Variants in JAM2 observed in about 807,000 individuals in gnomAD.
JAM2 encodes the protein junctional adhesion molecule 2, also known as junctional adhesion molecule B.
In JAM2, 17 loss-of-function variants were observed where a neutral mutation model predicts 42.0. The ratio of observed to expected loss-of-function variants is 0.40; its 90% CI spans 0.28 to 0.61. JAM2 has a LOEUF of 0.61. Ranked by LOEUF, JAM2 falls within the 20% of genes least tolerant of loss-of-function variation. JAM2 has a pLI of 0.37. For missense variants in JAM2, 319 were observed against 358.3 expected (o/e 0.89, Z 0.89); for synonymous variants, 118 against 128.6 (o/e 0.92, Z 0.56).
At chr21:25,679,119 G>A (rs939483375) in intron 1 of JAM2, among the ~76,000 whole-genome samples, 4 of 152,154 alleles carry the variant, frequency 2.6e-5, no homozygotes, top group African/African-American at 9.7e-5. Context: ...AGGCTTTTAA[G>A]GGAAAAAAGA....
intron 6 of JAM2, among the ~76,000 whole-genome samples, chr21:25,704,817 T>C (rs2034238984): frequency 6.6e-6 from 1 of 152,222 alleles, no homozygotes; most frequent in Non-Finnish European, 1.5e-5. Context: ...TCTGCTAGCC[T>C]GTTACATAGT....
chr21:25,691,805 G>A (rs563087449), intron 3 of JAM2, among the ~76,000 whole-genome samples: 63 of 152,142 alleles, frequency 4.1e-4, no homozygotes, highest in African/African-American at 1.3e-3. Flanking sequence ...CAAGGCATGC[G>A]GATCACTTGA....
In JAM2 at chr21:25,641,400, A is replaced by G. The variant is rs559721996; in HGVS notation, c.67+1512A>G. On this transcript the variant is annotated intron_variant, in intron 1 of 9. Coordinates refer to ENST00000480456, the MANE Select transcript of JAM2 (RefSeq NM_021219.4). ...AGTCTGAAATTGTAGTGGAGAAACAACCAAGAGGCGAACAAAAGCATAAAT... is the reference window on the plus strand; with the variant it reads ...AGTCTGAAATTGTAGTGGAGAAACAGCCAAGAGGCGAACAAAAGCATAAAT... 7.2e-5 allele frequency among the ~76,000 whole-genome samples: 11 copies of G among 152,330 alleles called. No individual in the cohort carries two copies. The South Asian group carries it at 2.3e-3, about 32-fold the overall frequency.
At chr21:25,660,848 G>A (rs1490705307) in intron 1 of JAM2, among the ~76,000 whole-genome samples, 2 of 122,488 alleles carry the variant, frequency 1.6e-5, no homozygotes, top group African/African-American at 6.4e-5. Flanking sequence ...AGGCTGGAGT[G>A]TGATGGCACA....
chr21:25,706,523 A>G (rs984193413), intron 7 of JAM2, among the ~76,000 whole-genome samples: 6 of 152,016 alleles, frequency 3.9e-5, no homozygotes, highest in African/African-American at 1.4e-4. Flanking sequence ...AATATTGTTC[A>G]TTTATTTTCT....
chr21:25,695,549 CG>C (rs1568912684), intron 4 of JAM2, among the ~76,000 whole-genome samples: 1 of 149,362 alleles, frequency 6.7e-6, no homozygotes, highest in Non-Finnish European at 1.5e-5. Context: ...CCAGACAGGG[CG>C]GCCGGGCAGA....
chr21:25,713,299 G>A (rs1173843421), intron 9 of JAM2, among the ~76,000 whole-genome samples: 1 of 152,144 alleles, frequency 6.6e-6, no homozygotes, highest in Non-Finnish European at 1.5e-5. Flanking sequence ...AGGTTTTAAG[G>A]AACATAATTT....
At chr21:25,705,945 C>T (rs768319384) in intron 6 of JAM2, 34 bp from the exon 7 acceptor site, 2 of 1,381,606 alleles carry the variant, frequency 1.4e-6, no homozygotes, top group Admixed American at 3.3e-5. Context: ...GTGTAATCCA[C>T]ATATATTTAT....
intron 1 of JAM2, among the ~76,000 whole-genome samples, chr21:25,682,630 A>C (rs2033660968): frequency 6.6e-6 from 1 of 152,232 alleles, no homozygotes; most frequent in Non-Finnish European, 1.5e-5. Flanking sequence ...TTAACCAGCT[A>C]AACGGACCCT....
At position 25,702,239 on chromosome 21, in the gene JAM2, C is replaced by A. The variant is rs766898080; in HGVS notation, c.667C>A (p.Arg223Ser). The A allele has an allele frequency of 1.3e-6, 2 of 1,596,252 alleles. No homozygotes were observed. Among genetic ancestry groups the A allele is most frequent in the Non-Finnish European group, 1.7e-6 (2 of 1,166,588 alleles). ...SCEARNSVGY[R>S]RCPGKRMQVD... ...TGAAGCCCGCAATTCTGTTGGATAT[C>A]GCAGGTGTCCTGGGAAACGAATGCA... is the stretch of plus-strand genomic sequence containing the variant. Residue 223 changes from arginine (R) to serine (S), a missense_variant, in exon 6 of 10, where the codon CGC (arginine) becomes AGC (serine). Transcript: ENST00000480456.
At chr21:25,682,000 A>T (rs1366329947) in intron 1 of JAM2, among the ~76,000 whole-genome samples, 1 of 152,146 alleles carries the variant, frequency 6.6e-6, no homozygotes, top group Non-Finnish European at 1.5e-5. Flanking sequence ...GAAAAAAAGA[A>T]TTGCTTGCCT....
intron 5 of JAM2, among the ~76,000 whole-genome samples, chr21:25,701,086 A>G (rs2034155230): frequency 6.6e-6 from 1 of 152,188 alleles, no homozygotes; most frequent in East Asian, 1.9e-4. Context: ...TGAACAACAA[A>G]GACTCCAGTG....
chr21:25,662,592 A>T (rs1482518414), intron 1 of JAM2, among the ~76,000 whole-genome samples: 1 of 152,076 alleles, frequency 6.6e-6, no homozygotes, highest in Admixed American at 6.5e-5. Flanking sequence ...TATCTGGGAT[A>T]GGAGGTGTGA....
At chr21:25,705,520 G>A (rs985094358) in intron 6 of JAM2, among the ~76,000 whole-genome samples, 1 of 152,182 alleles carries the variant, frequency 6.6e-6, no homozygotes, top group Non-Finnish European at 1.5e-5. Flanking sequence ...TTACAGGCAT[G>A]AGTCAACATG....
rs2034447399 is a variant in JAM2 at position 25,714,641 on chromosome 21, A to G, written c.866A>G (p.Asp289Gly). The G allele has an allele frequency of 1.3e-5, 20 of 1,497,662 alleles. No individual in the cohort carries two copies. The highest frequency in any genetic ancestry group is 1.8e-5 in the Non-Finnish European group (20 of 1,109,230). 92.8% of individuals were successfully genotyped at this position (1,497,662 alleles called of 1,614,324 possible). A position where few individuals can be genotyped will look rare whatever the true frequency, so the allele number is the denominator to read the frequency against. Residue 289 changes from aspartate (D) to glycine (G), a missense_variant and splice_region_variant, in exon 10 of 10, where the codon GAT (aspartate) becomes GGT (glycine). Coordinates refer to ENST00000480456, the MANE Select transcript of JAM2 (RefSeq NM_021219.4). Reference protein sequence around the residue: ...SSKATTMSENDFKHTKSFII With the variant: ...SSKATTMSENGFKHTKSFII ...CCTGTTTTTTCTTTCTTTTCCTAGGATTTCAAGCACACAAAATCCTTTATA... is the reference window on the plus strand; with the variant it reads ...CCTGTTTTTTCTTTCTTTTCCTAGGGTTTCAAGCACACAAAATCCTTTATA...
intron 2 of JAM2, among the ~76,000 whole-genome samples, chr21:25,684,176 A>C (rs911454721): frequency 5.3e-5 from 8 of 152,224 alleles, no homozygotes; most frequent in African/African-American, 1.9e-4. Flanking sequence ...AAGGTCTCCT[A>C]TAACTTAAAT....
chr21:25,655,685 G>A (rs796107487), intron 1 of JAM2, among the ~76,000 whole-genome samples: 29 of 130,754 alleles, frequency 2.2e-4, no homozygotes, highest in African/African-American at 7.4e-4. Context: ...TAGTAGAGAC[G>A]GGGTTTCACC....
intron 9 of JAM2, among the ~76,000 whole-genome samples, chr21:25,713,574 CG>C (rs1286954361): frequency 1.0e-5 from 1 of 100,346 alleles, no homozygotes; most frequent in African/African-American, 3.8e-5. Flanking sequence ...TGGGGTGGGG[CG>C]GGGGAGCCTG....
chr21:25,655,914 G>GT (rs11371745), intron 1 of JAM2, among the ~76,000 whole-genome samples: 35,654 of 144,804 alleles, frequency 0.25, 5,305 homozygotes, highest in African/African-American at 0.44. Flanking sequence ...CCCACTAATA[G>GT]TTTTTTTTTT....
Sources: allele counts gnomAD v4.1 joint callset (sites outside exome capture counted in the v4.1 genomes callset), GRCh38; gene constraint gnomAD v4.1.1; transcripts MANE v1.5; gene names NCBI Gene and HGNC (gene_info 2026-07-23, HGNC 2026-07-21).